Variants in HAO1 observed in about 807,000 individuals in gnomAD.
HAO1 encodes hydroxyacid oxidase 1.
A neutral mutation model predicts 39.7 loss-of-function variants in HAO1; 34 were observed. That is an observed-to-expected ratio of 0.86 (90% CI 0.65 to 1.14). The LOEUF (loss-of-function observed/expected upper bound fraction) is 1.14. HAO1 is among the 50% of genes most tolerant of loss of function. The pLI, the probability that HAO1 is intolerant of heterozygous loss-of-function variation, is 0.00. For missense variants in HAO1, 479 were observed against 464.5 expected (o/e 1.03, Z -0.29); for synonymous variants, 172 against 173.2 (o/e 0.99, Z 0.05).
At chr20:7,895,979 G>A (rs2050195663) in intron 4 of HAO1, among the ~76,000 whole-genome samples, 1 of 152,138 alleles carries the variant, frequency 6.6e-6, no homozygotes, top group Non-Finnish European at 1.5e-5. Flanking sequence ...GGCTGAGGCA[G>A]GAGAATCGTT....
intron 1 of HAO1, among the ~76,000 whole-genome samples, chr20:7,936,937 A>G (rs1200861089): frequency 6.6e-6 from 1 of 152,086 alleles, no homozygotes; most frequent in Non-Finnish European, 1.5e-5. Flanking sequence ...ATTTCCCACA[A>G]TCATACATAA....
intron 2 of HAO1, among the ~76,000 whole-genome samples, chr20:7,928,661 C>G (rs1214143947): frequency 2.0e-5 from 3 of 152,016 alleles, no homozygotes; most frequent in African/African-American, 7.2e-5. Flanking sequence ...ACTGGTCTTG[C>G]TCAAGTAGCT....
chr20:7,922,117 A>G (rs2050336206), intron 2 of HAO1, among the ~76,000 whole-genome samples: 1 of 152,136 alleles, frequency 6.6e-6, no homozygotes, highest in African/African-American at 2.4e-5. Context: ...AAAAGTTGAA[A>G]AAAGAAAAAA....
chr20:7,923,764 G>C (rs74634744), intron 2 of HAO1, among the ~76,000 whole-genome samples: 4,192 of 152,268 alleles, frequency 0.028, 70 homozygotes, highest in Non-Finnish European at 0.04. Flanking sequence ...TAGGTCTGTA[G>C]TGCGACCTAA....
At chr20:7,939,747 T>C (rs2050432131) in intron 1 of HAO1, among the ~76,000 whole-genome samples, 1 of 152,166 alleles carries the variant, frequency 6.6e-6, no homozygotes, top group Non-Finnish European at 1.5e-5. Flanking sequence ...AGAGATGAAG[T>C]GCTTTGAAGG....
intron 4 of HAO1, among the ~76,000 whole-genome samples, chr20:7,896,388 C>A: frequency 6.6e-6 from 1 of 152,088 alleles, no homozygotes; most frequent in Admixed American, 6.6e-5. Flanking sequence ...CATTGGTAAT[C>A]TGTAAAATTA....
chr20:7,902,619 A>C (rs1445566953), intron 4 of HAO1, among the ~76,000 whole-genome samples: 2 of 152,138 alleles, frequency 1.3e-5, no homozygotes, highest in Non-Finnish European at 2.9e-5. Flanking sequence ...AATGTCTCTT[A>C]GGTATGCCTG....
At chr20:7,917,640 CAG>C (rs1365723074) in intron 2 of HAO1, among the ~76,000 whole-genome samples, 2 of 152,074 alleles carry the variant, frequency 1.3e-5, no homozygotes, top group Non-Finnish European at 2.9e-5. Context: ...ACTGGAGGTG[CAG>C]AGTGTGGATG....
chr20:7,893,827 T>C (rs2050184768), intron 5 of HAO1, among the ~76,000 whole-genome samples: 1 of 152,174 alleles, frequency 6.6e-6, no homozygotes, highest in Non-Finnish European at 1.5e-5. Flanking sequence ...CTGCGTGAAT[T>C]AAACTCTTCC....
chr20:7,889,764 G>A (rs145978379), intron 5 of HAO1, among the ~76,000 whole-genome samples: 1 of 152,170 alleles, frequency 6.6e-6, no homozygotes, highest in African/African-American at 2.4e-5. Flanking sequence ...CAACCTAATA[G>A]AAGTGTATAA....
chr20:7,923,104 G>T (rs1479987629), intron 2 of HAO1, among the ~76,000 whole-genome samples: 1 of 152,100 alleles, frequency 6.6e-6, no homozygotes, highest in Non-Finnish European at 1.5e-5. Context: ...TAGAGGGTTG[G>T]CTAAATTTCC....
chr20:7,934,666 G>A, intron 1 of HAO1, 31 bp from the exon 2 acceptor site: 14 of 1,407,048 alleles, frequency 9.9e-6, no homozygotes, highest in Non-Finnish European at 1.2e-5. Context: ...AAAATAAAAG[G>A]CTTTAGAGTT....
chr20:7,913,745 G>A (rs1331376975), intron 3 of HAO1, among the ~76,000 whole-genome samples: 1 of 152,166 alleles, frequency 6.6e-6, no homozygotes, highest in Non-Finnish European at 1.5e-5. Flanking sequence ...TCAAAGATGT[G>A]GCTTTTTTAA....
At chr20:7,897,016 A>T (rs2050200885) in intron 4 of HAO1, among the ~76,000 whole-genome samples, 2 of 152,258 alleles carry the variant, frequency 1.3e-5, no homozygotes, top group African/African-American at 4.8e-5. Context: ...TTACTTTCTT[A>T]AAAAGGATCC....
Position 7,914,318 on chromosome 20 carries a change from G to A in HAO1, c.391C>T (p.Leu131=). 2 of 1,614,052 alleles carry A rather than the reference G, an allele frequency of 1.2e-6. No homozygotes were observed. Among genetic ancestry groups the A allele is most frequent in the South Asian group, 2.2e-5 (2 of 91,086 alleles). The part of the protein sequence containing the change: ...AGPEALRWLQ[L]YIYKDREVTK... Reference sequence around the variant, plus strand: ...ACTTCTCGGTCCTTGTAGATATACAGTTGCAGCCAACGAAGTGCCTCAGGA... The same window carrying A: ...ACTTCTCGGTCCTTGTAGATATACAATTGCAGCCAACGAAGTGCCTCAGGA... The change falls in exon 3 of 8, where the codon CTG becomes TTG. Residue 131 remains leucine, a synonymous_variant. Coordinates refer to ENST00000378789, the MANE Select transcript of HAO1 (RefSeq NM_017545.3).
rs963676083 is a variant in HAO1 at position 7,919,846 on chromosome 20, T to A, written c.290-5427A>T. Among the ~76,000 whole-genome samples, 3 of 152,236 alleles carry A rather than the reference T, an allele frequency of 2.0e-5. 1 individual carries two copies. The South Asian group carries it at 6.2e-4, about 31-fold the overall frequency. On this transcript the variant is annotated intron_variant, in intron 2 of 7. Coordinates refer to ENST00000378789, the MANE Select transcript of HAO1 (RefSeq NM_017545.3). ...TTCTTAATGTCATTATTTGTTAATC[T>A]TCTCCACAGCCAGCTTTCCTTTGCA...
At chr20:7,902,533 A>G (rs1407138831) in intron 4 of HAO1, among the ~76,000 whole-genome samples, 1 of 152,230 alleles carries the variant, frequency 6.6e-6, no homozygotes, top group African/African-American at 2.4e-5. Flanking sequence ...TAGCAAAAAC[A>G]TAACTTTCAT....
chr20:7,919,173 A>G (rs933616293), intron 2 of HAO1, among the ~76,000 whole-genome samples: 6 of 152,214 alleles, frequency 3.9e-5, no homozygotes, highest in Admixed American at 1.3e-4. Context: ...GGCTTTTGTA[A>G]TAGACGGTAT....
chr20:7,903,515 G>A (rs2050230856), intron 4 of HAO1, among the ~76,000 whole-genome samples: 1 of 151,874 alleles, frequency 6.6e-6, no homozygotes, highest in Non-Finnish European at 1.5e-5. Context: ...AGGTGGTAGT[G>A]GTGATACTGG....
Sources: allele counts gnomAD v4.1 joint callset (sites outside exome capture counted in the v4.1 genomes callset), GRCh38; gene constraint gnomAD v4.1.1; transcripts MANE v1.5; gene names NCBI Gene and HGNC (gene_info 2026-07-23, HGNC 2026-07-21).